NALF1: variants seen among roughly 807,000 people sequenced by gnomAD.
NALF1 encodes the protein NALCN channel auxiliary factor 1.
In NALF1, 3 loss-of-function variants were observed where a neutral mutation model predicts 48.4. The observed-to-expected ratio is 0.06, with a 90% CI of 0.03 to 0.16. The LOEUF (loss-of-function observed/expected upper bound fraction) is 0.16. NALF1 is among the 10% of genes least tolerant of loss of function. NALF1 has a pLI of 1.00. For missense variants in NALF1, 526 were observed against 571.5 expected, an observed-to-expected ratio of 0.92 and a Z score of 0.81; for synonymous variants, 262 against 245.7, an observed-to-expected ratio of 1.07 and a Z score of -0.62.
At chr13:107,367,301 T>A (rs1406954346) in intron 1 of NALF1, among the ~76,000 whole-genome samples, 1 of 152,178 alleles carries the variant, frequency 6.6e-6, no homozygotes, top group Non-Finnish European at 1.5e-5. Flanking sequence ...CACTGATCAC[T>A]CTCATACAAC....
chr13:107,866,160 T>C lies in NALF1; in HGVS notation c.437A>G (p.Asn146Ser). The change falls in exon 1 of 3, where the codon AAC (asparagine) becomes AGC (serine). Residue 146 changes from asparagine (N) to serine (S), a missense_variant. Asn to Ser is a conservative substitution (Grantham distance 46, BLOSUM62 1). Coordinates refer to ENST00000375915, the MANE Select transcript of NALF1 (RefSeq NM_001080396.3). This position sits in a 1 kb window ranked among gnomAD's most constrained non-coding sequence, Gnocchi z 4.4. ...CTTGCCCCGGTCGTCTTTGCCTCGG[T>C]TGCCCTTGCCGCCGCCGCCGCCGCC... Reference protein sequence around the residue: ...GDGGGGGGKGNRGKDDRGKAL... With the variant: ...GDGGGGGGKGSRGKDDRGKAL... 1 of 1,607,602 alleles carries C rather than the reference T, an allele frequency of 6.2e-7. No individual in the cohort carries two copies. The highest frequency in any genetic ancestry group is 8.5e-7 in the Non-Finnish European group (1 of 1,177,478).
intron 2 of NALF1, among the ~76,000 whole-genome samples, chr13:107,190,508 T>C (rs997831235): frequency 6.6e-6 from 1 of 152,232 alleles, no homozygotes; most frequent in African/African-American, 2.4e-5. Context: ...TGCCAGTTTT[T>C]AAAATGTTAA....
chr13:107,724,382 T>G (rs1876086623), intron 1 of NALF1, among the ~76,000 whole-genome samples: 1 of 152,206 alleles, frequency 6.6e-6, no homozygotes. Flanking sequence ...AAATACATAA[T>G]CCTGATTTTT....
intron 2 of NALF1, among the ~76,000 whole-genome samples, chr13:107,171,742 T>C (rs1878809485): frequency 6.6e-6 from 1 of 152,208 alleles, no homozygotes; most frequent in Admixed American, 6.5e-5. Flanking sequence ...GCTATATAAG[T>C]CATAGTGTAT....
intron 1 of NALF1, among the ~76,000 whole-genome samples, chr13:107,346,969 G>T (rs1882783975): frequency 6.6e-6 from 1 of 151,966 alleles, no homozygotes; most frequent in Non-Finnish European, 1.5e-5. Context: ...CAATATTTAT[G>T]TTCAGAATTA....
chr13:107,673,384 G>A lies in NALF1; in HGVS notation c.915+192298C>T, dbSNP rs142790099. 2.6e-3 allele frequency among the ~76,000 whole-genome samples: 400 copies of A among 152,238 alleles called. 1 individual carries two copies. The highest frequency in any genetic ancestry group is 8.9e-3 in the African/African-American group (371 of 41,548). ...GGAGGCAATGCAGTTGCTGTCTTCT[G>A]GAAGGTAGAGGGGCTGTTGTGTTTA... On this transcript the variant is annotated intron_variant, in intron 1 of 2. Transcript: ENST00000375915.
chr13:107,216,241 AG>A (rs569263441), intron 1 of NALF1, among the ~76,000 whole-genome samples: 24 of 152,236 alleles, frequency 1.6e-4, no homozygotes, highest in Admixed American at 3.3e-4. Context: ...CAACCGCCTC[AG>A]GCTAATGCAC....
chr13:107,178,075 T>C (rs974921325), intron 2 of NALF1, among the ~76,000 whole-genome samples: 5 of 151,412 alleles, frequency 3.3e-5, no homozygotes, highest in Non-Finnish European at 7.4e-5. Context: ...AAGACTTAAA[T>C]CTAATATCTC....
At chr13:107,847,540 A>ATGTCTTCATCTTACATAAGATT (rs1880205215) in intron 1 of NALF1, among the ~76,000 whole-genome samples, 1 of 152,216 alleles carries the variant, frequency 6.6e-6, no homozygotes, top group Non-Finnish European at 1.5e-5. Flanking sequence ...TGTCTTACTG[A>ATGTCTTCATCTTACATAAGATT]GAAACATTCC....
At chr13:107,633,271 G>T (rs986630618) in intron 1 of NALF1, among the ~76,000 whole-genome samples, 4 of 151,874 alleles carry the variant, frequency 2.6e-5, no homozygotes, top group Non-Finnish European at 4.4e-5. Context: ...AAGATGTTCT[G>T]AAAATAACAT....
At chr13:107,438,246 A>AT (rs1458395756) in intron 1 of NALF1, among the ~76,000 whole-genome samples, 4 of 152,214 alleles carry the variant, frequency 2.6e-5, no homozygotes, top group Admixed American at 2.6e-4. Flanking sequence ...CTAAATCCCA[A>AT]TATTTTTTTC....
rs138006126 is a variant in NALF1, at chr13:107,732,342, T to C, written c.915+133340A>G. ...CATACACATATATGGTTTGCACTCA[T>C]TTCAGTTCCATTTGACTTGATGTCT... On this transcript the variant is annotated intron_variant, in intron 1 of 2. Coordinates refer to ENST00000375915, the MANE Select transcript of NALF1 (RefSeq NM_001080396.3). 1.1e-3 allele frequency among the ~76,000 whole-genome samples: 163 copies of C among 152,322 alleles called. 1 individual carries two copies. The highest frequency in any genetic ancestry group is 3.8e-3 in the African/African-American group (158 of 41,582).
chr13:107,190,785 T>G (rs1879264287), intron 2 of NALF1, among the ~76,000 whole-genome samples: 1 of 152,178 alleles, frequency 6.6e-6, no homozygotes, highest in Non-Finnish European at 1.5e-5. Flanking sequence ...TTTTAATATT[T>G]CCAGTAGAAA....
At chr13:107,565,131 A>AGACATATAAAAAAAC (rs1877766056) in intron 1 of NALF1, among the ~76,000 whole-genome samples, 2 of 148,862 alleles carry the variant, frequency 1.3e-5, no homozygotes, top group Admixed American at 1.3e-4. Flanking sequence ...ATAAACAACC[A>AGACATATAAAAAAAC]TTATAAAATA....
intron 1 of NALF1, among the ~76,000 whole-genome samples, chr13:107,535,419 T>C (rs1354321504): frequency 2.0e-5 from 3 of 152,060 alleles, no homozygotes; most frequent in Non-Finnish European, 4.4e-5. Flanking sequence ...AAAGGCCTTC[T>C]TATACACCAA....
chr13:107,803,213 A>C (rs955015659), intron 1 of NALF1, among the ~76,000 whole-genome samples: 3 of 152,184 alleles, frequency 2.0e-5, no homozygotes, highest in Admixed American at 6.5e-5. Flanking sequence ...AGAAGCGAAC[A>C]AATGGCCTAG....
chr13:107,208,864 T>C (rs993797624), intron 2 of NALF1, among the ~76,000 whole-genome samples: 4 of 152,052 alleles, frequency 2.6e-5, no homozygotes, highest in Admixed American at 1.3e-4. Context: ...TATTCCTTCT[T>C]TCCCTCTTCC....
chr13:107,314,768 T>A (rs1882112617), intron 1 of NALF1, among the ~76,000 whole-genome samples: 1 of 152,186 alleles, frequency 6.6e-6, no homozygotes, highest in Non-Finnish European at 1.5e-5. Context: ...CCCTGTTTAT[T>A]AACTGCTAGC....
chr13:107,704,275 T>C (rs1256568534), intron 1 of NALF1, among the ~76,000 whole-genome samples: 1 of 152,232 alleles, frequency 6.6e-6, no homozygotes, highest in Non-Finnish European at 1.5e-5. Flanking sequence ...TACTGAAATG[T>C]ATTATTGAAT....
Sources: gnomAD v4.1 joint callset for allele counts (sites outside exome capture counted in the v4.1 genomes callset) on GRCh38, gnomAD v4.1.1 for gene constraint, Gnocchi (gnomAD v3.1) non-coding constraint, MANE v1.5 for transcripts, NCBI Gene and HGNC (gene_info 2026-07-23, HGNC 2026-07-21) for gene names.